Variants in SUSD4 observed in about 807,000 individuals in gnomAD.
SUSD4 encodes the protein sushi domain containing 4.
A neutral mutation model predicts 50.5 loss-of-function variants in SUSD4; 41 were observed. The observed-to-expected ratio is 0.81, with a 90% CI of 0.63 to 1.05. The LOEUF (loss-of-function observed/expected upper bound fraction) is 1.05. SUSD4 is among the 50% of genes least tolerant of loss of function. The pLI is 0.00. For synonymous variants in SUSD4, 257 were observed against 257.3 expected, an observed-to-expected ratio of 1.00 and a Z score of 0.01; for missense variants, 580 against 634.7, an observed-to-expected ratio of 0.91 and a Z score of 0.93.
intron 4 of SUSD4, among the ~76,000 whole-genome samples, chr1:223,267,677 A>C (rs1347647626): frequency 2.0e-5 from 3 of 152,090 alleles, no homozygotes; most frequent in Non-Finnish European, 4.4e-5. Context: ...TTCCAAGAAC[A>C]GGGCACCCAA....
rs75425463 is a variant in SUSD4, at chr1:223,264,068, C to T, written c.724+562G>A. 1,360 of 985,446 alleles carry T rather than the reference C, an allele frequency of 1.4e-3. 17 individuals carry two copies. The African/African-American group carries it at 0.022, about 16-fold the overall frequency. 61.0% of individuals were successfully genotyped at this position (985,446 alleles called of 1,614,324 possible). ...CCCTGCAGACACTGCCTTGACTCCG[C>T]CAGTGGAAGCCCTGTCCTTCTCACT... On this transcript the variant is annotated intron_variant, in intron 5 of 8. Coordinates refer to ENST00000366878, the MANE Select transcript of SUSD4 (RefSeq NM_017982.4).
chr1:223,265,692 T>C (rs531851571), intron 4 of SUSD4, among the ~76,000 whole-genome samples: 1 of 152,212 alleles, frequency 6.6e-6, no homozygotes, highest in Admixed American at 6.5e-5. Context: ...CTGTTTGCCC[T>C]GAAGCCTGTG....
At chr1:223,284,248 A>G (rs952121224) in intron 3 of SUSD4, among the ~76,000 whole-genome samples, 4 of 152,062 alleles carry the variant, frequency 2.6e-5, no homozygotes, top group African/African-American at 9.7e-5. Context: ...AAAGAAAAGA[A>G]CCAGTCCCCT....
At chr1:223,294,491 C>T (rs1385176235) in intron 2 of SUSD4, among the ~76,000 whole-genome samples, 2 of 152,236 alleles carry the variant, frequency 1.3e-5, no homozygotes, top group Non-Finnish European at 2.9e-5. Flanking sequence ...CCCCACCTGG[C>T]TTATGATGCT....
chr1:223,335,952 AATATTGCAAAG>A (rs2103285007), intron 2 of SUSD4, among the ~76,000 whole-genome samples: 1 of 152,346 alleles, frequency 6.6e-6, no homozygotes, highest in Non-Finnish European at 1.5e-5. Flanking sequence ...GTAGAAAGAA[AATATTGCAAAG>A]CAACAACAAA....
chr1:223,260,375 T>A (rs1382885642), intron 5 of SUSD4, among the ~76,000 whole-genome samples: 1 of 152,234 alleles, frequency 6.6e-6, no homozygotes, highest in African/African-American at 2.4e-5. Context: ...TCTTAGCACT[T>A]AACAATGAGA....
intron 5 of SUSD4, among the ~76,000 whole-genome samples, chr1:223,237,627 AGTT>A (rs1571855143): frequency 6.6e-6 from 1 of 151,700 alleles, no homozygotes; most frequent in South Asian, 2.1e-4. Flanking sequence ...TTTTTTAGTC[AGTT>A]GTTGTGATGA....
Position 223,220,850 on chromosome 1 carries a change from C to A in SUSD4, c.*1342G>T. ...CTGTCATTTTCTTTTAATTTTTAAT[C>A]AGTCTGTGTCAAGAAGAAACAGGAC... On this transcript the variant is annotated 3_prime_UTR_variant, in exon 9 of 9. Coordinates refer to ENST00000366878, the MANE Select transcript of SUSD4 (RefSeq NM_017982.4). 2.5e-6 allele frequency: 1 copy of A among 394,544 alleles called. No individual in the cohort carries two copies. The highest frequency in any genetic ancestry group is 4.5e-6 in the Non-Finnish European group (1 of 223,512). 24.4% of individuals were successfully genotyped at this position (394,544 alleles called of 1,614,324 possible). A position where few individuals can be genotyped will look rare whatever the true frequency, so the allele number is the denominator to read the frequency against.
intron 5 of SUSD4, among the ~76,000 whole-genome samples, chr1:223,255,099 T>A (rs1202894506): frequency 6.6e-6 from 1 of 152,194 alleles, no homozygotes; most frequent in Non-Finnish European, 1.5e-5. Flanking sequence ...TATGTACTAA[T>A]GTATGTGCCC....
chr1:223,301,546 C>T (rs932887600), intron 2 of SUSD4, among the ~76,000 whole-genome samples: 1 of 152,158 alleles, frequency 6.6e-6, no homozygotes, highest in African/African-American at 2.4e-5. Flanking sequence ...CCCTTCTTGA[C>T]CCACTTAAGA....
chr1:223,337,361 G>T (rs898122265), intron 2 of SUSD4, among the ~76,000 whole-genome samples: 1 of 152,140 alleles, frequency 6.6e-6, no homozygotes, highest in Non-Finnish European at 1.5e-5. Flanking sequence ...TACAATGCAT[G>T]AATGAATGAA....
intron 3 of SUSD4, among the ~76,000 whole-genome samples, chr1:223,283,508 A>T (rs146001298): frequency 2.0e-5 from 3 of 152,242 alleles, no homozygotes; most frequent in Admixed American, 6.5e-5. Context: ...CATCAGAGAA[A>T]TGCAAATCAA....
At chr1:223,300,342 A>C (rs1665103216) in intron 2 of SUSD4, among the ~76,000 whole-genome samples, 1 of 152,226 alleles carries the variant, frequency 6.6e-6, no homozygotes, top group African/African-American at 2.4e-5. Context: ...TGTGTGAGTA[A>C]CAGGGATTGA....
chr1:223,247,994 A>C (rs1047897192), intron 5 of SUSD4, among the ~76,000 whole-genome samples: 12 of 152,138 alleles, frequency 7.9e-5, no homozygotes, highest in African/African-American at 2.9e-4. Flanking sequence ...CAGTCCATGG[A>C]CTGTCCATTT....
At chr1:223,313,938 C>A (rs765238113) in intron 2 of SUSD4, among the ~76,000 whole-genome samples, 1 of 152,150 alleles carries the variant, frequency 6.6e-6, no homozygotes, top group Non-Finnish European at 1.5e-5. Context: ...GAATTGCCCA[C>A]CCCTTCCCGG....
chr1:223,351,375 C>T (rs979096141), intron 2 of SUSD4, among the ~76,000 whole-genome samples: 3 of 152,242 alleles, frequency 2.0e-5, no homozygotes, highest in African/African-American at 7.2e-5. Context: ...GCCAGGTGCC[C>T]TCAGTCCCCA....
chr1:223,270,121 C>T (rs1261158704), intron 3 of SUSD4, among the ~76,000 whole-genome samples: 1 of 152,160 alleles, frequency 6.6e-6, no homozygotes, highest in African/African-American at 2.4e-5. Context: ...CTCAGGCAGA[C>T]AGGGGCTTCC....
chr1:223,362,367 A>G (rs1169812598), intron 2 of SUSD4, among the ~76,000 whole-genome samples: 1 of 152,228 alleles, frequency 6.6e-6, no homozygotes, highest in Non-Finnish European at 1.5e-5. Context: ...TTATTTATAT[A>G]TTAACAGTAT....
chr1:223,283,615 A>G (rs1279705160), intron 3 of SUSD4, among the ~76,000 whole-genome samples: 1 of 152,200 alleles, frequency 6.6e-6, no homozygotes, highest in Non-Finnish European at 1.5e-5. Flanking sequence ...AAATAGGAAC[A>G]CTTTTACACT....
Sources: gnomAD v4.1 joint callset for allele counts (sites outside exome capture counted in the v4.1 genomes callset) on GRCh38, gnomAD v4.1.1 for gene constraint, MANE v1.5 for transcripts, NCBI Gene and HGNC (gene_info 2026-07-23, HGNC 2026-07-21) for gene names.